The following SH3GL2 variants were observed in gnomAD, a reference collection of about 807,000 sequenced individuals.
SH3GL2 encodes the protein endophilin-A1.
A neutral mutation model predicts 46.0 loss-of-function variants in SH3GL2; 24 were observed. That is an observed-to-expected ratio of 0.52 (90% confidence interval 0.38 to 0.73). The LOEUF is 0.73. SH3GL2 is among the 30% of genes least tolerant of loss of function. The pLI is 0.00. For synonymous variants in SH3GL2, 196 were observed against 147.1 expected, an observed-to-expected ratio of 1.33 and a Z score of -2.40; for missense variants, 413 against 424.2, an observed-to-expected ratio of 0.97 and a Z score of 0.23.
chr9:17,627,968 T>G (rs1207967108), intron 1 of SH3GL2, among the ~76,000 whole-genome samples: 3 of 152,324 alleles, frequency 2.0e-5, no homozygotes, highest in South Asian at 4.1e-4. Flanking sequence ...TCTCCTGGTG[T>G]TGTTGAGTGT....
intron 1 of SH3GL2, among the ~76,000 whole-genome samples, chr9:17,615,276 A>G (rs940943993): frequency 6.6e-6 from 1 of 152,226 alleles, no homozygotes; most frequent in African/African-American, 2.4e-5. Context: ...ATAAATCCAT[A>G]TGATAGCCTA....
At chr9:17,726,313 C>T (rs776999370) in intron 1 of SH3GL2, among the ~76,000 whole-genome samples, 5 of 152,070 alleles carry the variant, frequency 3.3e-5, no homozygotes, top group Non-Finnish European at 7.4e-5. Context: ...CATCAGGCTG[C>T]GACCTCTTAT....
chr9:17,690,640 G>T (rs963073008), intron 1 of SH3GL2, among the ~76,000 whole-genome samples: 11 of 152,208 alleles, frequency 7.2e-5, no homozygotes, highest in Admixed American at 7.2e-4. Flanking sequence ...AATGTGCACT[G>T]TGGCTTGCAT....
At chr9:17,678,950 G>T (rs1380198722) in intron 1 of SH3GL2, among the ~76,000 whole-genome samples, 1 of 152,084 alleles carries the variant, frequency 6.6e-6, no homozygotes, top group East Asian at 1.9e-4. Flanking sequence ...GTAGATGTGT[G>T]ATATTATTTC....
At chr9:17,756,174 G>C (rs1341490494) in intron 2 of SH3GL2, among the ~76,000 whole-genome samples, 2 of 151,952 alleles carry the variant, frequency 1.3e-5, no homozygotes, top group Non-Finnish European at 2.9e-5. Flanking sequence ...ATGTGAATTT[G>C]AAATTTGAAT....
At chr9:17,790,661 TAAAATC>T (rs969250682) in intron 6 of SH3GL2, among the ~76,000 whole-genome samples, 58 of 152,224 alleles carry the variant, frequency 3.8e-4, no homozygotes, top group African/African-American at 1.2e-3. Context: ...ATGTGAAACA[TAAAATC>T]AAGAGAAATC....
At chr9:17,693,737 T>C (rs1365866057) in intron 1 of SH3GL2, among the ~76,000 whole-genome samples, 1 of 152,224 alleles carries the variant, frequency 6.6e-6, no homozygotes, top group Non-Finnish European at 1.5e-5. Flanking sequence ...AGTTCTCTGC[T>C]GGATGAATCA....
In SH3GL2 at chr9:17,648,224, A is replaced by G. The variant is rs536952541; in HGVS notation, c.45+68937A>G. ...CTACACAAGGGGATTGATGTCCCTAATCTCCATGTTGTTCAAGGATTCCAC... is the reference window on the plus strand; with the variant it reads ...CTACACAAGGGGATTGATGTCCCTAGTCTCCATGTTGTTCAAGGATTCCAC... On this transcript the variant is annotated intron_variant, in intron 1 of 8. Transcript: ENST00000380607. Among the ~76,000 whole-genome samples, 6 of 152,294 alleles carry G rather than the reference A, an allele frequency of 3.9e-5. No individual in the cohort carries two copies. In the South Asian group the frequency reaches 1.2e-3, roughly 32 times the overall value.
At chr9:17,718,089 G>A (rs1821804182) in intron 1 of SH3GL2, among the ~76,000 whole-genome samples, 1 of 152,130 alleles carries the variant, frequency 6.6e-6, no homozygotes, top group Non-Finnish European at 1.5e-5. Flanking sequence ...TAGGAATACT[G>A]TAAATCTCTA....
At chr9:17,664,595 A>G (rs1439346414) in intron 1 of SH3GL2, among the ~76,000 whole-genome samples, 1 of 152,064 alleles carries the variant, frequency 6.6e-6, no homozygotes, top group Non-Finnish European at 1.5e-5. Flanking sequence ...TTGAAAAACA[A>G]GTTTGACAAA....
intron 1 of SH3GL2, among the ~76,000 whole-genome samples, chr9:17,669,925 A>C (rs917190231): frequency 6.6e-6 from 1 of 152,190 alleles, no homozygotes; most frequent in African/African-American, 2.4e-5. Context: ...TCTGCTGCAG[A>C]AAGGGGTCCC....
Position 17,687,803 on chromosome 9 carries a change from G to A in SH3GL2, c.46-59263G>A, listed in dbSNP as rs573838028. Among the ~76,000 whole-genome samples the A allele has an allele frequency of 7.2e-5, 11 of 152,098 alleles. No individual in the cohort carries two copies. In the South Asian group the frequency reaches 2.1e-3, roughly 29 times the overall value. On this transcript the variant is annotated intron_variant, in intron 1 of 8. Coordinates refer to ENST00000380607, the MANE Select transcript of SH3GL2 (RefSeq NM_003026.5). ...AAACAATGATGGATGTGAATCTCAA[G>A]GCAGTATGGGGAAAGGGTCTCAAAG...
chr9:17,594,956 G>T (rs1818544861), intron 1 of SH3GL2, among the ~76,000 whole-genome samples: 1 of 152,152 alleles, frequency 6.6e-6, no homozygotes, highest in Non-Finnish European at 1.5e-5. Flanking sequence ...AGTTAATGTA[G>T]AATTTAAAGC....
rs9407821 is a variant in SH3GL2 at position 17,640,363 on chromosome 9, T to A, written c.45+61076T>A. On this transcript the variant is annotated intron_variant, in intron 1 of 8. Coordinates refer to ENST00000380607, the MANE Select transcript of SH3GL2 (RefSeq NM_003026.5). ...TTGGAAAAAGTTTCCTTTTTTCTTT[T>A]TTTTAAACCATATTAATCCAATTTG... is the stretch of plus-strand genomic sequence containing the variant. Among the ~76,000 whole-genome samples, 911 of 152,322 alleles carry A rather than the reference T, an allele frequency of 6.0e-3. 3 individuals are homozygous for A. Among genetic ancestry groups the A allele is most frequent in the Non-Finnish European group, 9.6e-3 (650 of 68,032 alleles).
rs79497682 is a variant in SH3GL2, at chr9:17,654,227, C to T, written c.45+74940C>T. ...TCTCCACTGACCACTCCTGTGCTGC[C>T]GAAGACTGAATCATCCTTTCTCTGT... On this transcript the variant is annotated intron_variant, in intron 1 of 8. Transcript: ENST00000380607. Among the ~76,000 whole-genome samples, 175 of 152,222 alleles carry T rather than the reference C, an allele frequency of 1.1e-3. 5 individuals carry two copies. In the East Asian group the frequency reaches 0.027, roughly 23 times the overall value.
At chr9:17,688,356 G>T (rs1310719324) in intron 1 of SH3GL2, among the ~76,000 whole-genome samples, 1 of 152,062 alleles carries the variant, frequency 6.6e-6, no homozygotes, top group Middle Eastern at 3.2e-3. Context: ...TGTAGTTTGG[G>T]ATGGAAAATG....
intron 8 of SH3GL2, among the ~76,000 whole-genome samples, chr9:17,795,211 A>G (rs1416897571): frequency 1.3e-5 from 2 of 152,150 alleles, no homozygotes; most frequent in South Asian, 2.1e-4. Context: ...TGTCCCTCCT[A>G]TTTCTGGGCA....
At chr9:17,624,582 T>A (rs1419102332) in intron 1 of SH3GL2, among the ~76,000 whole-genome samples, 1 of 152,214 alleles carries the variant, frequency 6.6e-6, no homozygotes, top group Non-Finnish European at 1.5e-5. Flanking sequence ...GGTTCATAAT[T>A]TACCACTGTA....
At chr9:17,718,583 C>T (rs1412831521) in intron 1 of SH3GL2, among the ~76,000 whole-genome samples, 2 of 152,184 alleles carry the variant, frequency 1.3e-5, no homozygotes, top group African/African-American at 2.4e-5. Context: ...CAAAAATTAG[C>T]TGGGCATGGT....
Sources: allele counts gnomAD v4.1 joint callset (sites outside exome capture counted in the v4.1 genomes callset), GRCh38; gene constraint gnomAD v4.1.1; transcripts MANE v1.5; gene names NCBI Gene and HGNC (gene_info 2026-07-23, HGNC 2026-07-21).